RBM24: variants seen among roughly 807,000 people sequenced by gnomAD.
The protein encoded by RBM24 is RNA-binding protein 24.
Under a neutral mutation model 23.6 loss-of-function variants are expected in RBM24, and 5 were observed. The observed-to-expected ratio is 0.21, with a 90% confidence interval of 0.11 to 0.45. RBM24 has a LOEUF of 0.45. RBM24 is among the 20% of genes least tolerant of loss of function. The pLI is 0.99. For missense variants in RBM24, 252 were observed against 314.6 expected, an observed-to-expected ratio of 0.80 and a Z score of 1.51; for synonymous variants, 151 against 129.5, an observed-to-expected ratio of 1.17 and a Z score of -1.13.
At position 17,288,754 on chromosome 6, in the gene RBM24, C is replaced by G. The variant is rs750568732; in HGVS notation, c.348-3002C>G. ...GCTTGTCCAGGAAACATAAAGGAGC[C>G]CAGTTGACCTGGGTTTGAGGAAAGG... On this transcript the variant is annotated intron_variant, in intron 3 of 3. Coordinates refer to ENST00000379052, the MANE Select transcript of RBM24 (RefSeq NM_001143942.2). The G allele has an allele frequency of 9.2e-6, 9 of 979,392 alleles. No individual in the cohort carries two copies. The African/African-American group carries it at 1.6e-4, about 17-fold the overall frequency. The allele number at this position is 979,392 out of a possible 1,614,324, so 60.7% of individuals were successfully genotyped here. A position where few individuals can be genotyped will look rare whatever the true frequency, so the allele number is the denominator to read the frequency against.
Position 17,290,754 on chromosome 6 carries a change from T to C in RBM24, c.348-1002T>C, listed in dbSNP as rs990372491. Reference sequence around the variant, plus strand: ...TTGTTATGTAAACCTTTTAAATTTCTATTAATTTTAGAAATATTTAGTTGT... The same window carrying C: ...TTGTTATGTAAACCTTTTAAATTTCCATTAATTTTAGAAATATTTAGTTGT... On this transcript the variant is annotated intron_variant, in intron 3 of 3. Coordinates refer to ENST00000379052, the MANE Select transcript of RBM24 (RefSeq NM_001143942.2). 7.4e-6 allele frequency: 6 copies of C among 806,078 alleles called. No homozygotes were observed. In the Admixed American group the frequency reaches 1.6e-4, roughly 21 times the overall value. The allele number at this position is 806,078 out of a possible 1,614,324, so 49.9% of individuals were successfully genotyped here. A position where few individuals can be genotyped will look rare whatever the true frequency, so the allele number is the denominator to read the frequency against.
At chr6:17,284,204 A>AT (rs199580766) in intron 2 of RBM24, among the ~76,000 whole-genome samples, 76 of 151,392 alleles carry the variant, frequency 5.0e-4, no homozygotes, top group African/African-American at 1.0e-3. Context: ...GAAAAAAAAC[A>AT]TTTTTTTTTG....
intron 2 of RBM24, among the ~76,000 whole-genome samples, chr6:17,283,614 ACT>A (rs1760102143): frequency 6.6e-6 from 1 of 152,108 alleles, no homozygotes; most frequent in Admixed American, 6.5e-5. Flanking sequence ...ACGGGGTTTC[ACT>A]GTGTTGGTCA....
chr6:17,282,562 G>T, intron 1 of RBM24: 1 of 569,942 alleles, frequency 1.8e-6, no homozygotes, highest in Non-Finnish European at 3.1e-6. Context: ...GTGGGGTGGG[G>T]GGAGGCAGGG....
At chr6:17,287,969 T>C (rs375107074) in intron 3 of RBM24, among the ~76,000 whole-genome samples, 1 of 152,210 alleles carries the variant, frequency 6.6e-6, no homozygotes. Context: ...CAGGAGGGAC[T>C]GTAACTAACA....
rs978407010 is a variant in RBM24 at position 17,281,523 on chromosome 6, G to A, written c.-59G>A. 9.1e-5 allele frequency: 129 copies of A among 1,420,452 alleles called. No individual in the cohort carries two copies. Among genetic ancestry groups the A allele is most frequent in the Non-Finnish European group, 1.2e-4 (128 of 1,085,782 alleles). The allele number at this position is 1,420,452 out of a possible 1,614,324, so 88.0% of individuals were successfully genotyped here. On this transcript the variant is annotated 5_prime_UTR_variant, in exon 1 of 4. Transcript: ENST00000379052. The surrounding 1 kb of genome is among the most constrained non-coding windows in gnomAD (Gnocchi z 7.1). ...GAGACGCGGAGCCGGAGGAGGAGGC[G>A]CAGCCGCTGCCCGAGCCGCAGCCGC...
chr6:17,289,542 A>T (rs1359605795), intron 3 of RBM24: 1 of 985,318 alleles, frequency 1.0e-6, no homozygotes, highest in African/African-American at 1.7e-5. Context: ...CTTTTAATGC[A>T]TTCTTCACAA....
At chr6:17,287,722 T>G (rs1760237551) in intron 3 of RBM24, among the ~76,000 whole-genome samples, 1 of 151,638 alleles carries the variant, frequency 6.6e-6, no homozygotes, top group Non-Finnish European at 1.5e-5. Flanking sequence ...GGCAGGAGAA[T>G]GGCGTGAACC....
At position 17,292,096 on chromosome 6, in the gene RBM24, C is replaced by G; in HGVS notation, c.688C>G (p.Leu230Val). The change falls in exon 4 of 4, where the codon CTG becomes GTG. Residue 230 changes from leucine (L) to valine (V), a missense_variant. Physicochemically the swap from Leu to Val is conservative, Grantham distance 32. Transcript: ENST00000379052. The part of the protein sequence containing the change: ...AAFGQYQPQQ[L>V]QTDRMQ ...ATTTGGCCAGTACCAGCCTCAGCAG[C>G]TGCAGACAGACCGAATGCAATAGAC... 1 of 1,552,462 alleles carries G rather than the reference C, an allele frequency of 6.4e-7. No homozygotes were observed. Among genetic ancestry groups the G allele is most frequent in the Non-Finnish European group, 8.7e-7 (1 of 1,152,624 alleles).
At chr6:17,287,341 C>T (rs1037542254) in intron 3 of RBM24, among the ~76,000 whole-genome samples, 22 of 152,164 alleles carry the variant, frequency 1.4e-4, no homozygotes, top group African/African-American at 5.3e-4. Context: ...TGACTTTGGG[C>T]CTCTGTAGAC....
chr6:17,289,999 A>G (rs1490224169), intron 3 of RBM24: 2 of 1,289,408 alleles, frequency 1.6e-6, no homozygotes, highest in Admixed American at 2.3e-5. Flanking sequence ...AGTTAAGAAC[A>G]TCTCTGAGTG....
intron 2 of RBM24, 84 bp downstream of exon 2, chr6:17,283,012 G>C (rs1471569652): frequency 1.1e-6 from 1 of 938,712 alleles, no homozygotes; most frequent in African/African-American, 1.6e-5. Context: ...AGAAGACATT[G>C]TCTCTTTCTG....
chr6:17,288,436 A>G, intron 3 of RBM24: 1 of 984,584 alleles, frequency 1.0e-6, no homozygotes, highest in Non-Finnish European at 1.2e-6. Context: ...TATATTTGGC[A>G]TTGTAGACTC....
In RBM24 at chr6:17,281,509, C is replaced by A; in HGVS notation, c.-73C>A. 7.3e-7 allele frequency: 1 copy of A among 1,362,334 alleles called. No homozygotes were observed. Among genetic ancestry groups the A allele is most frequent in the Non-Finnish European group, 9.5e-7 (1 of 1,048,356 alleles). The allele number at this position is 1,362,334 out of a possible 1,614,324, so 84.4% of individuals were successfully genotyped here. On this transcript the variant is annotated 5_prime_UTR_variant, in exon 1 of 4. Coordinates refer to ENST00000379052, the MANE Select transcript of RBM24 (RefSeq NM_001143942.2). This position sits in a 1 kb window ranked among gnomAD's most constrained non-coding sequence, Gnocchi z 7.1. ...GCGAAAGGGTGCGGGAGACGCGGAG[C>A]CGGAGGAGGAGGCGCAGCCGCTGCC...
At chr6:17,288,833 G>A (rs1760271735) in intron 3 of RBM24, 1 of 985,436 alleles carries the variant, frequency 1.0e-6, no homozygotes, top group Non-Finnish European at 1.2e-6. Flanking sequence ...TGGATGTTTT[G>A]GCCTAGAATG....
Position 17,281,761 on chromosome 6 carries a change from G to C in RBM24, c.168+12G>C. On this transcript the variant is annotated intron_variant, in intron 1 of 3. Transcript: ENST00000379052. This position sits in a 1 kb window ranked among gnomAD's most constrained non-coding sequence, Gnocchi z 7.1. Reference sequence around the variant, plus strand: ...GGGGCTATGGATTTGTAAGTTGCACGGACTGGGGGTGACGGGGAGGGACGG... The same window carrying C: ...GGGGCTATGGATTTGTAAGTTGCACCGACTGGGGGTGACGGGGAGGGACGG... 1.3e-6 allele frequency: 2 copies of C among 1,547,856 alleles called. No individual in the cohort carries two copies. The highest frequency in any genetic ancestry group is 8.7e-7 in the Non-Finnish European group (1 of 1,145,294).
chr6:17,289,483 T>C (rs903188998), intron 3 of RBM24: 1 of 985,350 alleles, frequency 1.0e-6, no homozygotes, highest in African/African-American at 1.7e-5. Flanking sequence ...AACTATTTCC[T>C]AATGCAAAGT....
chr6:17,290,451 T>G (rs1212074760), intron 3 of RBM24, among the ~76,000 whole-genome samples: 2 of 152,206 alleles, frequency 1.3e-5, no homozygotes, highest in African/African-American at 2.4e-5. Context: ...GCATGGAATT[T>G]TTGTTTAAAT....
intron 3 of RBM24, chr6:17,290,788 G>A (rs1239264024): frequency 1.7e-5 from 18 of 1,089,920 alleles, no homozygotes; most frequent in Non-Finnish European, 2.1e-5. Context: ...GTACTTCCCT[G>A]TCCTGCCTTT....
Sources: allele counts gnomAD v4.1 joint callset (sites outside exome capture counted in the v4.1 genomes callset), GRCh38; gene constraint gnomAD v4.1.1; non-coding constraint Gnocchi (gnomAD v3.1); transcripts MANE v1.5; gene names NCBI Gene and HGNC (gene_info 2026-07-23, HGNC 2026-07-21).